The following USP43 variants were observed in gnomAD, a reference collection of about 807,000 sequenced individuals.
The protein encoded by USP43 is ubiquitin carboxyl-terminal hydrolase 43.
USP43 carries 33 observed loss-of-function variants against 90.7 expected under a neutral mutation model. That is an observed-to-expected ratio of 0.36 (90% confidence interval 0.28 to 0.49). USP43 has a LOEUF of 0.49. Among genes scored for constraint, USP43 ranks in the 20% least tolerant of loss-of-function variants. The pLI is 0.98. For synonymous variants in USP43, 598 were observed against 615.8 expected, an observed-to-expected ratio of 0.97 and a Z score of 0.43; for missense variants, 1,274 against 1,476.4, an observed-to-expected ratio of 0.86 and a Z score of 2.25.
At chr17:9,693,311 A>T in intron 9 of USP43, 81 bp downstream of exon 9, 1 of 1,146,812 alleles carries the variant, frequency 8.7e-7, no homozygotes, top group Non-Finnish European at 1.3e-6. Flanking sequence ...TATGTCAATG[A>T]GATTGCTCAT....
intron 14 of USP43, among the ~76,000 whole-genome samples, chr17:9,720,639 C>T (rs1410880839): frequency 6.6e-6 from 1 of 152,034 alleles, no homozygotes; most frequent in Non-Finnish European, 1.5e-5. Context: ...CAGGCATGCA[C>T]CACCACGCCC....
chr17:9,707,640 C>G (rs1475423500), intron 12 of USP43, among the ~76,000 whole-genome samples: 2 of 116,502 alleles, frequency 1.7e-5, no homozygotes, highest in Non-Finnish European at 3.3e-5. Flanking sequence ...GACCGAGACT[C>G]TGTCTCAAAA....
Position 9,728,257 on chromosome 17 carries a change from G to C in USP43, c.2639G>C (p.Gly880Ala). 1.9e-6 allele frequency: 3 copies of C among 1,613,724 alleles called. No homozygotes were observed. The highest frequency in any genetic ancestry group is 1.1e-5 in the South Asian group (1 of 91,026). Residue 880 changes from glycine to alanine, a missense_variant, in exon 15 of 15, where the codon GGG (glycine) becomes GCG (alanine). Physicochemically the swap from Gly to Ala is moderately conservative, Grantham distance 60 (BLOSUM62 0). This residue lies in a region of USP43 where 353 missense variants were observed against 329.7 expected (regional missense o/e 1.07). Transcript: ENST00000285199. The surrounding 1 kb of genome is among the most constrained non-coding windows in gnomAD (Gnocchi z 6.2). The stretch of plus-strand genomic sequence containing the variant: ...CTTCCTGCTAACAGCGAAGATGGTG[G>C]GCGGGCCATTGAAAGAGGTCCAGCC... ...VALPANSEDGGRAIERGPAGV... is the reference protein window; with the variant it reads ...VALPANSEDGARAIERGPAGV...
chr17:9,648,968 C>A (rs1911664695), intron 1 of USP43, among the ~76,000 whole-genome samples: 1 of 145,862 alleles, frequency 6.9e-6, no homozygotes, highest in Non-Finnish European at 1.5e-5. Flanking sequence ...TCCCTCCCTC[C>A]CTTCTTTTCT....
intron 1 of USP43, among the ~76,000 whole-genome samples, chr17:9,652,946 T>C (rs960990740): frequency 1.3e-5 from 2 of 152,234 alleles, no homozygotes; most frequent in Non-Finnish European, 2.9e-5. Context: ...TTTTTGCATT[T>C]TTTCTTCTAT....
intron 7 of USP43, among the ~76,000 whole-genome samples, chr17:9,684,521 T>G (rs1231821862): frequency 1.3e-5 from 2 of 151,746 alleles, no homozygotes; most frequent in African/African-American, 4.8e-5. Flanking sequence ...CCCAGCACTT[T>G]GAGAGGCTGA....
chr17:9,714,701 A>G (rs956643772), intron 14 of USP43, among the ~76,000 whole-genome samples: 2 of 150,962 alleles, frequency 1.3e-5, no homozygotes, highest in African/African-American at 2.4e-5. Context: ...AAAAAAAAAA[A>G]TGAAGACCCG....
At chr17:9,696,579 C>A (rs963968099) in intron 9 of USP43, among the ~76,000 whole-genome samples, 2 of 152,248 alleles carry the variant, frequency 1.3e-5, no homozygotes. Context: ...TAACTAAACA[C>A]TTGCCAGTCT....
chr17:9,699,455 A>G (rs764402871), intron 9 of USP43, among the ~76,000 whole-genome samples: 1 of 152,160 alleles, frequency 6.6e-6, no homozygotes, highest in Non-Finnish European at 1.5e-5. Flanking sequence ...CTTTTATCAG[A>G]TCATCTTAGT....
chr17:9,701,282 G>T lies in USP43; in HGVS notation c.1662+37G>T. The T allele has an allele frequency of 6.3e-7, 1 of 1,596,888 alleles. No individual in the cohort carries two copies. The highest frequency in any genetic ancestry group is 8.5e-7 in the Non-Finnish European group (1 of 1,171,134). The stretch of plus-strand genomic sequence containing the variant: ...GGGGTCCATGCCCCGGCCGGGAAGG[G>T]GGCTGGCTGCCTTTGGTGGGTTGGC... On this transcript the variant is annotated intron_variant, in intron 11 of 14. Transcript: ENST00000285199. This position sits in a 1 kb window ranked among gnomAD's most constrained non-coding sequence, Gnocchi z 7.2.
intron 7 of USP43, among the ~76,000 whole-genome samples, chr17:9,685,688 G>A (rs376657606): frequency 6.6e-6 from 1 of 152,020 alleles, no homozygotes. Context: ...ATTTTTAATC[G>A]ACACATAATT....
chr17:9,698,662 T>C (rs764564343), intron 9 of USP43, among the ~76,000 whole-genome samples: 4 of 152,208 alleles, frequency 2.6e-5, no homozygotes, highest in Admixed American at 6.5e-5. Context: ...AAGAAGGAAG[T>C]TGGGTGACAG....
At chr17:9,720,337 A>AAAAG (rs1248470002) in intron 14 of USP43, among the ~76,000 whole-genome samples, 1 of 146,904 alleles carries the variant, frequency 6.8e-6, no homozygotes, top group African/African-American at 2.5e-5. Flanking sequence ...AAAAAAAAAA[A>AAAAG]AAAGAAAGAA....
rs543264253 is a variant in USP43 at position 9,673,796 on chromosome 17, C to T, written c.741-1095C>T. 2.3e-4 allele frequency among the ~76,000 whole-genome samples: 35 copies of T among 152,254 alleles called. 1 individual carries two copies. In the South Asian group the frequency reaches 5.4e-3, roughly 24 times the overall value. On this transcript the variant is annotated intron_variant, in intron 3 of 14. Transcript: ENST00000285199. ...TGTAAAATGTGTATAATATCAGTTG[C>T]TATGGGTGGTAAATGGGTTCATCTA...
chr17:9,703,542 G>C (rs1915697146), intron 12 of USP43, among the ~76,000 whole-genome samples: 1 of 152,222 alleles, frequency 6.6e-6, no homozygotes, highest in Non-Finnish European at 1.5e-5. Flanking sequence ...CTGGGTCAGT[G>C]TTTGCACACA....
At position 9,701,055 on chromosome 17, in the gene USP43, A is replaced by T. The variant is rs1915534700; in HGVS notation, c.1536-64A>T. 2 of 1,432,672 alleles carry T rather than the reference A, an allele frequency of 1.4e-6. No individual in the cohort carries two copies. The highest frequency in any genetic ancestry group is 1.8e-6 in the Non-Finnish European group (2 of 1,091,176). The allele number at this position is 1,432,672 out of a possible 1,614,324, so 88.7% of individuals were successfully genotyped here. A position where few individuals can be genotyped will look rare whatever the true frequency, so the allele number is the denominator to read the frequency against. The stretch of plus-strand genomic sequence containing the variant: ...GCTGACGGGTTTGCTGTGAGTAGAG[A>T]CATAGACGAAACCTGTCTGGGAGCA... On this transcript the variant is annotated intron_variant, in intron 10 of 14. Transcript: ENST00000285199. The surrounding 1 kb of genome is among the most constrained non-coding windows in gnomAD (Gnocchi z 7.2).
chr17:9,711,198 A>T (rs1321637356), intron 13 of USP43, among the ~76,000 whole-genome samples: 1 of 152,170 alleles, frequency 6.6e-6, no homozygotes, highest in African/African-American at 2.4e-5. Context: ...TAAACTTGGG[A>T]TAAACTCCTG....
chr17:9,712,949 C>T (rs964798193), intron 14 of USP43, among the ~76,000 whole-genome samples: 1 of 152,132 alleles, frequency 6.6e-6, no homozygotes, highest in African/African-American at 2.4e-5. Flanking sequence ...TTAGAATATA[C>T]ATCACCTCAA....
intron 14 of USP43, among the ~76,000 whole-genome samples, chr17:9,717,224 G>A (rs933251332): frequency 3.3e-5 from 5 of 151,408 alleles, no homozygotes; most frequent in African/African-American, 1.2e-4. Flanking sequence ...TTTGTATTGC[G>A]GTTCGGTTTC....
Sources: gnomAD v4.1 joint callset for allele counts (sites outside exome capture counted in the v4.1 genomes callset) on GRCh38, gnomAD v4.1.1 for gene constraint, gnomAD v4.1.1 regional missense constraint, Gnocchi (gnomAD v3.1) non-coding constraint, MANE v1.5 for transcripts, NCBI Gene and HGNC (gene_info 2026-07-23, HGNC 2026-07-21) for gene names.